Variants in NANOGNB observed in about 807,000 individuals in gnomAD.
NANOGNB encodes the protein homeobox C14.
A neutral mutation model predicts 25.0 loss-of-function variants in NANOGNB; 30 were observed. The observed-to-expected ratio is 1.20, with a 90% CI of 0.90 to 1.63. The LOEUF (loss-of-function observed/expected upper bound fraction) is 1.63, where lower values mean the gene tolerates loss of function less well. Among genes scored for constraint, NANOGNB ranks in the 40% most tolerant of loss-of-function variants. NANOGNB has a pLI of 0.00. For missense variants in NANOGNB, 200 were observed against 188.1 expected, an observed-to-expected ratio of 1.06 and a Z score of -0.37; for synonymous variants, 84 against 62.1, an observed-to-expected ratio of 1.35 and a Z score of -1.66.
In NANOGNB at chr12:7,770,181, A is replaced by G; in HGVS notation, c.301A>G (p.Lys101Glu). The G allele has an allele frequency of 6.4e-7, 1 of 1,551,926 alleles. No individual in the cohort carries two copies. Residue 101 changes from lysine to glutamate, a missense_variant, in exon 2 of 4, where the codon AAA becomes GAA. Transcript: ENST00000382119. ...NKRKRENEKQ[K>E]QYPEKRLVSK... Reference sequence around the variant, plus strand: ...AAGGAAAAGGGAAAATGAGAAACAGAAACAGTATCCCGAGAAAAGATTAGT... The same window carrying G: ...AAGGAAAAGGGAAAATGAGAAACAGGAACAGTATCCCGAGAAAAGATTAGT...
At chr12:7,766,535 C>T (rs558698013) in intron 1 of NANOGNB, among the ~76,000 whole-genome samples, 1 of 152,160 alleles carries the variant, frequency 6.6e-6, no homozygotes, top group Non-Finnish European at 1.5e-5. Context: ...CCACGATACC[C>T]TTAAAAGAAA....
In NANOGNB at chr12:7,772,031, T is replaced by C. The variant is rs1188547203; in HGVS notation, c.515+1513T>C. On this transcript the variant is annotated intron_variant, in intron 3 of 3. Transcript: ENST00000382119. ...GGAATGACTCCCACCACATGGAGGATTGCAAAGATCATCACTGTGCCAACC... is the reference window on the plus strand; with the variant it reads ...GGAATGACTCCCACCACATGGAGGACTGCAAAGATCATCACTGTGCCAACC... Among the ~76,000 whole-genome samples the C allele has an allele frequency of 4.6e-5, 7 of 152,152 alleles. No homozygotes were observed. In the East Asian group the frequency reaches 1.2e-3, roughly 25 times the overall value.
chr12:7,767,617 C>T (rs1053009885), intron 1 of NANOGNB, among the ~76,000 whole-genome samples: 9 of 152,088 alleles, frequency 5.9e-5, no homozygotes, highest in African/African-American at 2.2e-4. Flanking sequence ...CGAATTTTAT[C>T]CCACCCTCAT....
intron 1 of NANOGNB, among the ~76,000 whole-genome samples, chr12:7,768,990 G>T (rs1865269467): frequency 6.6e-6 from 1 of 151,940 alleles, no homozygotes; most frequent in Non-Finnish European, 1.5e-5. Flanking sequence ...CAAGTAAAAG[G>T]GATTATAATC....
At chr12:7,773,546 CAAAAAAAAAAAAAAAAAAAAA>C (rs869038102) in intron 3 of NANOGNB, among the ~76,000 whole-genome samples, 22 of 15,446 alleles carry the variant, frequency 1.4e-3, no homozygotes, top group African/African-American at 5.1e-3. Context: ...ACTAAAAATA[CAAAAAAAAAAAAAAAAAAAAA>C]AAAAAAAAAA....
intron 3 of NANOGNB, among the ~76,000 whole-genome samples, chr12:7,773,505 A>G (rs1862605013): frequency 7.3e-6 from 1 of 136,624 alleles, no homozygotes; most frequent in South Asian, 2.4e-4. Flanking sequence ...GTTTGGGACC[A>G]GCCTGACTAA....
chr12:7,766,821 C>G (rs1007806072), intron 1 of NANOGNB, among the ~76,000 whole-genome samples: 6 of 151,790 alleles, frequency 4.0e-5, no homozygotes, highest in African/African-American at 1.2e-4. Context: ...ACCCTCCACG[C>G]CTGGCCTTTG....
intron 1 of NANOGNB, among the ~76,000 whole-genome samples, chr12:7,768,754 A>C (rs1289433812): frequency 1.3e-5 from 2 of 151,968 alleles, no homozygotes; most frequent in Non-Finnish European, 2.9e-5. Flanking sequence ...GGATGGTCTC[A>C]ATCTCCTGAC....
At chr12:7,767,378 A>T (rs1408785349) in intron 1 of NANOGNB, among the ~76,000 whole-genome samples, 1 of 135,362 alleles carries the variant, frequency 7.4e-6, no homozygotes, top group African/African-American at 2.7e-5. Flanking sequence ...GGGTTACAAG[A>T]GGGTTTTTTT....
At chr12:7,766,819 C>T (rs889003899) in intron 1 of NANOGNB, among the ~76,000 whole-genome samples, 5 of 151,822 alleles carry the variant, frequency 3.3e-5, no homozygotes, top group East Asian at 2.0e-4. Flanking sequence ...TGACCCTCCA[C>T]GCCTGGCCTT....
chr12:7,771,223 T>C (rs1378020036), intron 3 of NANOGNB, among the ~76,000 whole-genome samples: 1 of 152,158 alleles, frequency 6.6e-6, no homozygotes, highest in Non-Finnish European at 1.5e-5. Context: ...TTTTGTTTGT[T>C]TGTTTGCTTG....
intron 3 of NANOGNB, among the ~76,000 whole-genome samples, chr12:7,773,146 G>T (rs1862600739): frequency 7.1e-6 from 1 of 141,814 alleles, no homozygotes; most frequent in African/African-American, 2.6e-5. Context: ...TTCAAAGATG[G>T]GGGTCTCACT....
intron 3 of NANOGNB, 112 bp downstream of exon 3, chr12:7,770,630 G>A: frequency 1.6e-6 from 1 of 615,474 alleles, no homozygotes; most frequent in Non-Finnish European, 2.7e-6. Flanking sequence ...TTTTTTTTTT[G>A]AGACGGAGTT....
Position 7,774,025 on chromosome 12 carries a change from G to T in NANOGNB, c.*174G>T. On this transcript the variant is annotated 3_prime_UTR_variant, in exon 4 of 4. Coordinates refer to ENST00000382119, the MANE Select transcript of NANOGNB (RefSeq NM_001145465.1). The stretch of plus-strand genomic sequence containing the variant: ...TAGAACTAAATGAGGGGTATGCAAA[G>T]GAGTTTTTATGTGTTTTATTTTTAC... 1 of 409,828 alleles carries T rather than the reference G, an allele frequency of 2.4e-6. No homozygotes were observed. The highest frequency in any genetic ancestry group is 4.3e-6 in the Non-Finnish European group (1 of 233,206). The allele number at this position is 409,828 out of a possible 1,614,324, so 25.4% of individuals were successfully genotyped here. A position where few individuals can be genotyped will look rare whatever the true frequency, so the allele number is the denominator to read the frequency against.
chr12:7,770,348 A>G (rs1314184552), intron 2 of NANOGNB, 33 bp downstream of exon 2: 2 of 1,518,648 alleles, frequency 1.3e-6, no homozygotes, highest in South Asian at 2.6e-5. Flanking sequence ...TTCTTCATTG[A>G]TAGACAAAGT....
chr12:7,769,260 A>G (rs1592110114), intron 1 of NANOGNB, among the ~76,000 whole-genome samples: 1 of 151,864 alleles, frequency 6.6e-6, no homozygotes, highest in East Asian at 1.9e-4. Flanking sequence ...ACCGGGTTCA[A>G]GCAATTCTCC....
At chr12:7,773,655 A>T (rs775538217) in intron 3 of NANOGNB, 145 bp from the exon 4 acceptor site, 61 of 240,140 alleles carry the variant, frequency 2.5e-4, no homozygotes, top group African/African-American at 1.3e-3. Flanking sequence ...GACCTGGGAG[A>T]TGGAGGTTGC....
At chr12:7,773,411 A>G (rs982044062) in intron 3 of NANOGNB, among the ~76,000 whole-genome samples, 1 of 151,854 alleles carries the variant, frequency 6.6e-6, no homozygotes, top group African/African-American at 2.4e-5. Flanking sequence ...TATTAAATAT[A>G]TAGACAGCGG....
At chr12:7,772,715 C>G (rs1297718193) in intron 3 of NANOGNB, among the ~76,000 whole-genome samples, 2 of 151,664 alleles carry the variant, frequency 1.3e-5, no homozygotes, top group African/African-American at 4.8e-5. Context: ...TCCCTAGTAG[C>G]TGGGACTACA....
Sources: gnomAD v4.1 joint callset for allele counts (sites outside exome capture counted in the v4.1 genomes callset) on GRCh38, gnomAD v4.1.1 for gene constraint, MANE v1.5 for transcripts, NCBI Gene and HGNC (gene_info 2026-07-23, HGNC 2026-07-21) for gene names.